The following TMEM135 variants were observed in gnomAD, a reference collection of about 807,000 sequenced individuals.
The protein encoded by TMEM135 is transmembrane protein 135, also known as peroxisomal membrane protein 52.
A neutral mutation model predicts 60.3 loss-of-function variants in TMEM135; 30 were observed. The ratio of observed to expected loss-of-function variants is 0.50; its 90% CI spans 0.37 to 0.68. The LOEUF is 0.68. Among genes scored for constraint, TMEM135 ranks in the 30% least tolerant of loss-of-function variants. The pLI is 0.00. For synonymous variants in TMEM135, 190 were observed against 186.7 expected (o/e 1.02, Z -0.14); for missense variants, 468 against 548.8 (o/e 0.85, Z 1.47).
At chr11:87,238,754 G>A (rs588322) in intron 6 of TMEM135, among the ~76,000 whole-genome samples, 19,205 of 151,892 alleles carry the variant, frequency 0.13, 1,469 homozygotes, top group African/African-American at 0.22. Context: ...GTTCTATCTA[G>A]CCTGAAGATA....
At chr11:87,147,762 C>T (rs1317039060) in intron 4 of TMEM135, among the ~76,000 whole-genome samples, 1 of 152,004 alleles carries the variant, frequency 6.6e-6, no homozygotes, top group African/African-American at 2.4e-5. Context: ...CTCTTGTTAA[C>T]TTATTATTTT....
At chr11:87,274,758 C>A (rs1470884042) in intron 6 of TMEM135, among the ~76,000 whole-genome samples, 2 of 147,732 alleles carry the variant, frequency 1.4e-5, no homozygotes, top group Non-Finnish European at 3.0e-5. Context: ...GCTAGGAGTT[C>A]AAAACCAGCC....
At chr11:87,212,605 T>G (rs1940397243) in intron 5 of TMEM135, among the ~76,000 whole-genome samples, 1 of 152,032 alleles carries the variant, frequency 6.6e-6, no homozygotes, top group Admixed American at 6.5e-5. Context: ...GTGGATCACC[T>G]GAGCTCAGGA....
At chr11:87,125,368 A>G (rs563021) in intron 4 of TMEM135, among the ~76,000 whole-genome samples, 115,182 of 152,012 alleles carry the variant, frequency 0.76, 44,510 homozygotes, top group East Asian at 0.91. Flanking sequence ...GTGGGGGAGT[A>G]GAGGTGCTTT....
chr11:87,100,187 A>T (rs749407086), intron 4 of TMEM135, among the ~76,000 whole-genome samples: 4 of 152,224 alleles, frequency 2.6e-5, no homozygotes, highest in Non-Finnish European at 5.9e-5. Flanking sequence ...ATAAATGCTC[A>T]GTAATTCAAA....
At chr11:87,133,364 C>T (rs575528403) in intron 4 of TMEM135, among the ~76,000 whole-genome samples, 100 of 152,194 alleles carry the variant, frequency 6.6e-4, no homozygotes, top group African/African-American at 2.3e-3. Context: ...AACATCATCC[C>T]CAAAATTTCT....
rs943804882 is a variant in TMEM135 at position 87,327,960 on chromosome 11, T to A, written c.*6627T>A. The stretch of plus-strand genomic sequence containing the variant: ...GGTGCCTGCCCATATTGAGGGCAGA[T>A]CTTCTCTGCCTAGTCCACGCTAACT... On this transcript the variant is annotated 3_prime_UTR_variant, in exon 15 of 15. Coordinates refer to ENST00000305494, the MANE Select transcript of TMEM135 (RefSeq NM_022918.4). 3 of 454,020 alleles carry A rather than the reference T, an allele frequency of 6.6e-6. No individual in the cohort carries two copies. The highest frequency in any genetic ancestry group is 1.3e-5 in the Non-Finnish European group (3 of 226,772). 28.1% of individuals were successfully genotyped at this position (454,020 alleles called of 1,614,324 possible).
Position 87,064,419 on chromosome 11 carries a change from C to T in TMEM135, c.142-3275C>T, listed in dbSNP as rs562018546. On this transcript the variant is annotated intron_variant, in intron 1 of 14. Transcript: ENST00000305494. Reference sequence around the variant, plus strand: ...ATCTTGCAAAGTAGTAGTATAATATCACAACAAAAATACTGCCATTGATAC... The same window carrying T: ...ATCTTGCAAAGTAGTAGTATAATATTACAACAAAAATACTGCCATTGATAC... Among the ~76,000 whole-genome samples the T allele has an allele frequency of 2.0e-5, 3 of 152,242 alleles. No homozygotes were observed. In the South Asian group the frequency reaches 6.2e-4, roughly 32 times the overall value.
chr11:87,216,086 T>C (rs1940493853), intron 5 of TMEM135, among the ~76,000 whole-genome samples: 1 of 152,220 alleles, frequency 6.6e-6, no homozygotes, highest in South Asian at 2.1e-4. Flanking sequence ...AATTTATAAA[T>C]TAAACTTTAT....
chr11:87,309,676 A>C lies in TMEM135; in HGVS notation c.936+4A>C. 1.1e-5 allele frequency: 17 copies of C among 1,613,028 alleles called. No homozygotes were observed. The highest frequency in any genetic ancestry group is 1.4e-5 in the Non-Finnish European group (16 of 1,179,486). On this transcript the variant is annotated splice_donor_region_variant and intron_variant, in intron 10 of 14. Transcript: ENST00000305494. Reference sequence around the variant, plus strand: ...CTCTTTTGTTAGTATATACAAGGTAAGGCTTTTAGAAGAGGAAAGAAAAAT... The same window carrying C: ...CTCTTTTGTTAGTATATACAAGGTACGGCTTTTAGAAGAGGAAAGAAAAAT...
chr11:87,232,986 A>T (rs184515497), intron 5 of TMEM135, among the ~76,000 whole-genome samples: 1 of 152,276 alleles, frequency 6.6e-6, no homozygotes, highest in Non-Finnish European at 1.5e-5. Flanking sequence ...CCCCATCTCT[A>T]CTAAAAATAC....
At chr11:87,239,502 T>C (rs1304603416) in intron 6 of TMEM135, among the ~76,000 whole-genome samples, 1 of 152,010 alleles carries the variant, frequency 6.6e-6, no homozygotes, top group African/African-American at 2.4e-5. Context: ...TAAATTTTAT[T>C]ATAAATACAT....
Position 87,323,167 on chromosome 11 carries a change from A to G in TMEM135, c.*1834A>G, listed in dbSNP as rs866703755. 1 of 453,996 alleles carries G rather than the reference A, an allele frequency of 2.2e-6. No homozygotes were observed. The highest frequency in any genetic ancestry group is 1.6e-5 in the South Asian group (1 of 64,356). The allele number at this position is 453,996 out of a possible 1,614,324, so 28.1% of individuals were successfully genotyped here. ...AAGATGAATTACGAAATTTGCTGAGATTGTTTAGTAAAATTTTGCTGGTCA... is the reference window on the plus strand; with the variant it reads ...AAGATGAATTACGAAATTTGCTGAGGTTGTTTAGTAAAATTTTGCTGGTCA... On this transcript the variant is annotated 3_prime_UTR_variant, in exon 15 of 15. Transcript: ENST00000305494.
chr11:87,179,563 A>G (rs796537720), intron 5 of TMEM135, among the ~76,000 whole-genome samples: 8 of 152,292 alleles, frequency 5.3e-5, no homozygotes, highest in African/African-American at 1.9e-4. Flanking sequence ...TTCAGATCAT[A>G]TAAGTCTTTG....
At chr11:87,137,714 G>A (rs630249) in intron 4 of TMEM135, among the ~76,000 whole-genome samples, 72,186 of 151,734 alleles carry the variant, frequency 0.48, 17,457 homozygotes, top group East Asian at 0.67. Context: ...AGTGTAAGAA[G>A]ATAGCATGAT....
chr11:87,257,634 C>A (rs1241288656), intron 6 of TMEM135, among the ~76,000 whole-genome samples: 1 of 152,094 alleles, frequency 6.6e-6, no homozygotes, highest in Non-Finnish European at 1.5e-5. Context: ...CTGTAAACGT[C>A]ATATTTATAT....
intron 6 of TMEM135, among the ~76,000 whole-genome samples, chr11:87,261,001 A>G (rs911606820): frequency 1.3e-5 from 2 of 152,200 alleles, no homozygotes; most frequent in African/African-American, 2.4e-5. Context: ...ACATCAGGAA[A>G]TAACTTCTGT....
intron 1 of TMEM135, among the ~76,000 whole-genome samples, chr11:87,043,045 T>A (rs1272797038): frequency 6.7e-6 from 1 of 148,274 alleles, no homozygotes; most frequent in Non-Finnish European, 1.5e-5. Context: ...AACCTCCGCC[T>A]CCCAGGTTCA....
At chr11:87,189,346 A>T (rs1375244016) in intron 5 of TMEM135, among the ~76,000 whole-genome samples, 1 of 152,034 alleles carries the variant, frequency 6.6e-6, no homozygotes, top group African/African-American at 2.4e-5. Context: ...TTTTTAGTAG[A>T]GACGGGGTTT....
Sources: allele counts gnomAD v4.1 joint callset (sites outside exome capture counted in the v4.1 genomes callset), GRCh38; gene constraint gnomAD v4.1.1; transcripts MANE v1.5; gene names NCBI Gene and HGNC (gene_info 2026-07-23, HGNC 2026-07-21).